Variants in HUWE1 observed in about 807,000 individuals in gnomAD.
HUWE1 encodes HECT, UBA and WWE domain containing E3 ubiquitin protein ligase 1.
A neutral mutation model predicts 299.4 loss-of-function variants in HUWE1; 18 were observed. The ratio of observed to expected loss-of-function variants is 0.06; its 90% confidence interval spans 0.04 to 0.09. The LOEUF (loss-of-function observed/expected upper bound fraction) is 0.09, where lower values mean the gene tolerates loss of function less well. HUWE1 is among the 10% of genes least tolerant of loss of function. The probability of loss-of-function intolerance (pLI) is 1.00; values close to 1 mark genes in which losing one functional copy is unlikely to be tolerated. For missense variants in HUWE1, 1,832 were observed against 3,462.3 expected, an observed-to-expected ratio of 0.53 and a Z score of 11.82; for synonymous variants, 1,317 against 1,286.1, an observed-to-expected ratio of 1.02 and a Z score of -0.51.
At position 53,577,063 on chromosome X, in the gene HUWE1, T is replaced by G. The variant is rs1296387926; in HGVS notation, c.5721A>C (p.Ser1907=). 7 of 1,201,109 alleles carry G rather than the reference T, an allele frequency of 5.8e-6. No homozygotes were observed. The highest frequency in any genetic ancestry group is 2.3e-6 in the Non-Finnish European group (2 of 887,610). The change falls in exon 44 of 84, where the codon TCA becomes TCC. Residue 1907 remains serine, a synonymous_variant. Coordinates refer to ENST00000262854, the MANE Select transcript of HUWE1 (RefSeq NM_031407.7). The part of the protein sequence containing the change: ...LPAPRGSGTA[S]DDEFENLRIK... ...TTCTAAGATTCTCAAATTCATCATC[T>G]GAAGCTAAGCCAAAATGAGAGAGAA...
At chrX:53,559,141 T>A in intron 57 of HUWE1, 81 bp from the exon 58 acceptor site, 1 of 854,757 alleles carries the variant, frequency 1.2e-6, no homozygotes, top group Non-Finnish European at 1.7e-6. Context: ...TTGCAGTATT[T>A]CCCTAAAAGG....
rs1384325787 is a variant in HUWE1, at chrX:53,674,027, T to C, written c.-25+6022A>G. ...CAATTTACGCCACTTGTAGGCAGTATTATAAGGCCAGACTCTTCCTTATAC... is the reference window on the plus strand; with the variant it reads ...CAATTTACGCCACTTGTAGGCAGTACTATAAGGCCAGACTCTTCCTTATAC... On this transcript the variant is annotated intron_variant, in intron 3 of 83. Coordinates refer to ENST00000262854, the MANE Select transcript of HUWE1 (RefSeq NM_031407.7). 5.4e-5 allele frequency among the ~76,000 whole-genome samples: 6 copies of C among 111,669 alleles called. No homozygotes were observed. The Admixed American group carries it at 5.7e-4, about 11-fold the overall frequency.
chrX:53,539,938 C>T, intron 74 of HUWE1, 126 bp from the exon 75 acceptor site: 1 of 591,488 alleles, frequency 1.7e-6, no homozygotes, highest in Non-Finnish European at 2.6e-6. Flanking sequence ...CTGAGTGGTA[C>T]TCACCGAGCA....
intron 7 of HUWE1, among the ~76,000 whole-genome samples, chrX:53,635,131 GAT>G (rs2067126167): frequency 9.1e-6 from 1 of 110,173 alleles, no homozygotes; most frequent in Admixed American, 9.7e-5. Flanking sequence ...AAAGAAATGA[GAT>G]ATTATTTGAA....
At chrX:53,597,120 T>C (rs1343010190) in intron 29 of HUWE1, among the ~76,000 whole-genome samples, 1 of 111,686 alleles carries the variant, frequency 9.0e-6, no homozygotes, top group Non-Finnish European at 1.9e-5. Flanking sequence ...AAGTGAAGGA[T>C]CTAAAGCTGG....
chrX:53,636,405 G>T (rs1449501837), intron 7 of HUWE1, among the ~76,000 whole-genome samples: 5 of 112,817 alleles, frequency 4.4e-5, no homozygotes, highest in Admixed American at 9.3e-5. Flanking sequence ...TAAAATACAA[G>T]GTTCGACATT....
At chrX:53,622,994 T>G (rs1355551171) in intron 19 of HUWE1, among the ~76,000 whole-genome samples, 5 of 111,475 alleles carry the variant, frequency 4.5e-5, no homozygotes, top group Non-Finnish European at 9.4e-5. Context: ...AACTGGGAGG[T>G]TGCTATGCTA....
Position 53,588,377 on chromosome X carries a change from C to T in HUWE1, c.4614+5G>A. ...ATTACAAGGCCCCAAAGATCTAAAT[C>T]TTACCTCAAAAAGTAGCGTTAAAAG... On this transcript the variant is annotated splice_donor_5th_base_variant and intron_variant, in intron 37 of 83. Transcript: ENST00000262854. The T allele has an allele frequency of 8.3e-7, 1 of 1,207,911 alleles. No individual in the cohort carries two copies. Among genetic ancestry groups the T allele is most frequent in the Non-Finnish European group, 1.1e-6 (1 of 893,621 alleles).
intron 30 of HUWE1, 123 bp downstream of exon 30, chrX:53,595,064 G>C (rs1556983615): frequency 1.8e-6 from 1 of 568,237 alleles, no homozygotes; most frequent in African/African-American, 2.3e-5. Flanking sequence ...ATTTTCTAGA[G>C]TAAACAAGGG....
intron 29 of HUWE1, among the ~76,000 whole-genome samples, chrX:53,596,646 A>G (rs1167854493): frequency 8.9e-6 from 1 of 111,988 alleles, no homozygotes; most frequent in African/African-American, 3.2e-5. Context: ...CTACATGAAC[A>G]GTTCATCTCT....
chrX:53,534,915 T>C (rs187807267), intron 81 of HUWE1, among the ~76,000 whole-genome samples: 1 of 108,251 alleles, frequency 9.2e-6, no homozygotes, highest in Non-Finnish European at 1.9e-5. Flanking sequence ...TGTGAGCCAC[T>C]GTGTCCAGTG....
At chrX:53,533,956 A>G (rs781879303) in intron 83 of HUWE1, 51 bp downstream of exon 83, 5 of 1,113,891 alleles carry the variant, frequency 4.5e-6, no homozygotes, top group African/African-American at 3.6e-5. Context: ...AACATCAAGT[A>G]TGCAAGCTCA....
At chrX:53,557,762 CTTAT>C (rs2147525140) in intron 59 of HUWE1, among the ~76,000 whole-genome samples, 1 of 111,773 alleles carries the variant, frequency 8.9e-6, no homozygotes, top group East Asian at 2.8e-4. Context: ...CTTCATGGGG[CTTAT>C]TTTTTATTTT....
intron 7 of HUWE1, among the ~76,000 whole-genome samples, chrX:53,635,841 C>T (rs782045949): frequency 1.2e-4 from 13 of 111,295 alleles, no homozygotes; most frequent in African/African-American, 3.9e-4. Flanking sequence ...CAGTGTAAAC[C>T]ACTGAAGATG....
chrX:53,536,747 G>GCTTCACAGTCTC, intron 78 of HUWE1, 80 bp from the exon 79 acceptor site: 6 of 873,626 alleles, frequency 6.9e-6, no homozygotes, highest in South Asian at 2.1e-5. Context: ...GTGAGAGACT[G>GCTTCACAGTCTC]TGAAGCAGTG....
intron 50 of HUWE1, 46 bp from the exon 51 acceptor site, chrX:53,564,768 T>C: frequency 1.7e-6 from 2 of 1,203,793 alleles, no homozygotes; most frequent in Non-Finnish European, 2.3e-6. Flanking sequence ...AGTGCCTATG[T>C]GCTGGGCACC....
At chrX:53,634,965 C>A (rs1201858025) in intron 7 of HUWE1, among the ~76,000 whole-genome samples, 2 of 111,635 alleles carry the variant, frequency 1.8e-5, no homozygotes, top group Non-Finnish European at 3.8e-5. Flanking sequence ...TAAAATATCA[C>A]TTTAACATTA....
intron 82 of HUWE1, 58 bp from the exon 83 acceptor site, chrX:53,534,255 G>T: frequency 2.0e-6 from 2 of 1,024,824 alleles, no homozygotes; most frequent in Non-Finnish European, 1.4e-6. Context: ...AAGCAGGGTG[G>T]GGGGGATGGA....
At chrX:53,651,561 A>G (rs1178458440) in intron 4 of HUWE1, among the ~76,000 whole-genome samples, 8 of 112,074 alleles carry the variant, frequency 7.1e-5, no homozygotes, top group African/African-American at 9.7e-5. Context: ...TAGCTGTTAC[A>G]CTGCATTGCT....
Sources: allele counts gnomAD v4.1 joint callset (sites outside exome capture counted in the v4.1 genomes callset), GRCh38; gene constraint gnomAD v4.1.1; transcripts MANE v1.5; gene names NCBI Gene and HGNC (gene_info 2026-07-23, HGNC 2026-07-21).